Variants in BRICD5 observed in about 807,000 individuals in gnomAD.
BRICD5 encodes BRICHOS domain containing 5, also known as BRICHOS domain-containing protein 5.
Under a neutral mutation model 28.4 loss-of-function variants are expected in BRICD5, and 51 were observed. The observed-to-expected ratio is 1.80, with a 90% CI of 1.43 to 2.27. The LOEUF (loss-of-function observed/expected upper bound fraction) is 2.27. Among genes scored for constraint, BRICD5 ranks in the 30% most tolerant of loss-of-function variants. BRICD5 has a pLI of 0.00. For synonymous variants in BRICD5, 177 were observed against 130.2 expected (o/e 1.36, Z -2.44); for missense variants, 456 against 309.6 (o/e 1.47, Z -3.55).
chr16:2,209,264 G>C lies in BRICD5; in HGVS notation c.*98C>G, dbSNP rs967799849. On this transcript the variant is annotated 3_prime_UTR_variant, in exon 6 of 6. Transcript: ENST00000328540. ...ACACCACCACCATGGCCAGGTGGAA[G>C]GGTTTATTAGTCCCTGCCAGCAGCT... 1.8e-6 allele frequency: 2 copies of C among 1,134,796 alleles called. No homozygotes were observed. The highest frequency in any genetic ancestry group is 1.5e-5 in the African/African-American group (1 of 65,038). The allele number at this position is 1,134,796 out of a possible 1,614,324, so 70.3% of individuals were successfully genotyped here.
chr16:2,209,366 T>A lies in BRICD5; in HGVS notation c.683A>T (p.Asp228Val). ...AGGCTGGGCCAGGTCGGGGGCTCAGTCTGGGAGGTAATAAAAGCAGACCGA... is the reference window on the plus strand; with the variant it reads ...AGGCTGGGCCAGGTCGGGGGCTCAGACTGGGAGGTAATAAAAGCAGACCGA... ...CVSVCFYYLPD is the reference protein window; with the variant it reads ...CVSVCFYYLPV The change falls in exon 6 of 6, where the codon GAC becomes GTC. Residue 228 changes from aspartate to valine, a missense_variant. Transcript: ENST00000328540. 1 of 1,612,186 alleles carries A rather than the reference T, an allele frequency of 6.2e-7. No individual in the cohort carries two copies. Among genetic ancestry groups the A allele is most frequent in the Non-Finnish European group, 8.5e-7 (1 of 1,178,840 alleles).
At chr16:2,209,514 C>G (rs749536867) in intron 5 of BRICD5, 39 bp downstream of exon 5, 1 of 1,612,786 alleles carries the variant, frequency 6.2e-7, no homozygotes, top group Non-Finnish European at 8.5e-7. Flanking sequence ...TCAAACCATC[C>G]CGAGGGCCTG....
At chr16:2,210,307 C>A (rs372988245) in intron 2 of BRICD5, 26 bp from the exon 3 acceptor site, 1 of 1,508,370 alleles carries the variant, frequency 6.6e-7, no homozygotes, top group Non-Finnish European at 8.9e-7. Flanking sequence ...GGAGTTCAGC[C>A]GGGCAGCTGT....
chr16:2,210,461 T>C, intron 2 of BRICD5, 61 bp downstream of exon 2: 1 of 1,548,506 alleles, frequency 6.5e-7, no homozygotes, highest in Admixed American at 1.9e-5. Context: ...GAGGCTGGGA[T>C]ATGCCAGCTT....
intron 4 of BRICD5, 70 bp downstream of exon 4, chr16:2,209,880 C>T (rs1048165552): frequency 1.2e-5 from 17 of 1,417,024 alleles, no homozygotes; most frequent in Admixed American, 7.9e-5. Flanking sequence ...CAGCCTGTCC[C>T]GTACTGGGCT....
At position 2,209,442 on chromosome 16, in the gene BRICD5, G is replaced by A. The variant is rs146244160; in HGVS notation, c.607C>T (p.Arg203Trp). ...ATGTCGATGCAGAGATAAATCAGCC[G>A]CTGTCTCCGGGGCCCTGTGGCGAGG... ...ARRAEGPRRQ[R>W]LIYLCIDICF... The change falls in exon 6 of 6, where the codon CGG (arginine) becomes TGG (tryptophan). Residue 203 changes from arginine (R) to tryptophan (W), a missense_variant. Coordinates refer to ENST00000328540, the MANE Select transcript of BRICD5 (RefSeq NM_182563.4). 5.1e-5 allele frequency: 83 copies of A among 1,613,614 alleles called. No homozygotes were observed. The highest frequency in any genetic ancestry group is 2.2e-4 in the East Asian group (10 of 44,894).
rs181382897 is a variant in BRICD5 at position 2,210,631 on chromosome 16, C to A, written c.71G>T (p.Cys24Phe). Residue 24 changes from cysteine to phenylalanine, a missense_variant, in exon 2 of 6, where the codon TGC (cysteine) becomes TTC (phenylalanine). Physicochemically the swap from Cys to Phe is radical, Grantham distance 205 (BLOSUM62 -2). Transcript: ENST00000328540. ...CAGGCTCACGGCTCTCCAGCCCCCG[C>A]AGGAGGGCTTGGTCTTCACCTGGGC... ...GPTGVKTKPSCGGWRAVSLLL... is the reference protein window; with the variant it reads ...GPTGVKTKPSFGGWRAVSLLL... 26 of 1,611,828 alleles carry A rather than the reference C, an allele frequency of 1.6e-5. No individual in the cohort carries two copies. The East Asian group carries it at 3.6e-4, about 22-fold the overall frequency.
At position 2,210,271 on chromosome 16, in the gene BRICD5, T is replaced by C. The variant is rs147431022; in HGVS notation, c.191A>G (p.Gln64Arg). Residue 64 changes from glutamine to arginine, a missense_variant, in exon 3 of 6, where the codon CAG (glutamine) becomes CGG (arginine). Gln to Arg is a conservative substitution (Grantham distance 43). Transcript: ENST00000328540. ...SAQGPPKPRLQTLRMTLPSPH... is the reference protein window; with the variant it reads ...SAQGPPKPRLRTLRMTLPSPH... ...GCTCGGGAGGGTCATTCGCAGCGTCTGCAGCCTTGGCTGGCAGTGGGAGTT... is the reference window on the plus strand; with the variant it reads ...GCTCGGGAGGGTCATTCGCAGCGTCCGCAGCCTTGGCTGGCAGTGGGAGTT... The C allele has an allele frequency of 2.6e-6, 4 of 1,531,972 alleles. No individual in the cohort carries two copies. In the African/African-American group the frequency reaches 4.1e-5, roughly 16 times the overall value. 94.9% of individuals were successfully genotyped at this position (1,531,972 alleles called of 1,614,324 possible).
At chr16:2,210,434 G>A (rs1027803902) in intron 2 of BRICD5, 88 bp downstream of exon 2, 8 of 1,538,798 alleles carry the variant, frequency 5.2e-6, no homozygotes, top group East Asian at 4.5e-5. Flanking sequence ...TGCCTGCTCC[G>A]CACCCTTGCT....
At chr16:2,210,319 C>G in intron 2 of BRICD5, 38 bp from the exon 3 acceptor site, 1 of 1,506,040 alleles carries the variant, frequency 6.6e-7, no homozygotes. Flanking sequence ...GGCAGCTGTG[C>G]AACCCCAGCA....
rs2093360946 is a variant in BRICD5, at chr16:2,209,410, G to A, written c.639C>T (p.Phe213=). Residue 213 remains phenylalanine, a synonymous_variant, in exon 6 of 6, where the codon TTC becomes TTT. Coordinates refer to ENST00000328540, the MANE Select transcript of BRICD5 (RefSeq NM_182563.4). ...RLIYLCIDIC[F]PSNICVSVCF... ...AGACCGACACGCAGATGTTGCTCGG[G>A]AAGCAGATGTCGATGCAGAGATAAA... is the stretch of plus-strand genomic sequence containing the variant. 6.2e-7 allele frequency: 1 copy of A among 1,613,740 alleles called. No individual in the cohort carries two copies. The highest frequency in any genetic ancestry group is 8.5e-7 in the Non-Finnish European group (1 of 1,179,992).
Position 2,210,825 on chromosome 16 carries a change from T to C in BRICD5, c.9A>G (p.Pro3=). The C allele has an allele frequency of 6.2e-7, 1 of 1,602,972 alleles. No individual in the cohort carries two copies. Among genetic ancestry groups the C allele is most frequent in the Non-Finnish European group, 8.5e-7 (1 of 1,179,904 alleles). The change falls in exon 1 of 6, where the codon CCA becomes CCG. Residue 3 remains proline, a synonymous_variant. Coordinates refer to ENST00000328540, the MANE Select transcript of BRICD5 (RefSeq NM_182563.4). ME[P]ASCCAERPKP... is the part of the protein sequence containing the mutation. ...TGGGGCGCTCAGCACAGCAGCTTGCTGGTTCCATCCTGCAGCCCCTGCTCA... is the reference window on the plus strand; with the variant it reads ...TGGGGCGCTCAGCACAGCAGCTTGCCGGTTCCATCCTGCAGCCCCTGCTCA...
chr16:2,210,398 G>A (rs2093368480), intron 2 of BRICD5, 117 bp from the exon 3 acceptor site: 3 of 1,533,646 alleles, frequency 2.0e-6, no homozygotes, highest in African/African-American at 1.4e-5. Flanking sequence ...TTGGTCCTCT[G>A]GCTGTCTGCT....
chr16:2,209,447 C>G lies in BRICD5; in HGVS notation c.602G>C (p.Arg201Thr), dbSNP rs372074545. The G allele has an allele frequency of 4.5e-5, 72 of 1,613,566 alleles. No homozygotes were observed. Among genetic ancestry groups the G allele is most frequent in the Non-Finnish European group, 5.4e-5 (64 of 1,179,998 alleles). Residue 201 changes from arginine to threonine, a missense_variant, in exon 6 of 6, where the codon AGA (arginine) becomes ACA (threonine). Arg to Thr is a moderately conservative substitution (Grantham distance 71). Transcript: ENST00000328540. ...GATGCAGAGATAAATCAGCCGCTGT[C>G]TCCGGGGCCCTGTGGCGAGGGTGCC... Reference protein sequence around the residue: ...YWARRAEGPRRQRLIYLCIDI... With the variant: ...YWARRAEGPRTQRLIYLCIDI...
chr16:2,209,953 G>A lies in BRICD5; in HGVS notation c.435C>T (p.Ser145=). The A allele has an allele frequency of 1.3e-6, 2 of 1,528,432 alleles. No individual in the cohort carries two copies. The highest frequency in any genetic ancestry group is 1.8e-6 in the Non-Finnish European group (2 of 1,136,012). The allele number at this position is 1,528,432 out of a possible 1,614,324, so 94.7% of individuals were successfully genotyped here. ...RETLRLLVDT[S]KVQEAWVPSQ... ...TGCGCCCAGCAGGACGGCTCACCTT[G>A]GAGGTATCCACCAGCAGCCGCAGGG... Residue 145 remains serine (S), a synonymous_variant, in exon 4 of 6, where the codon TCC becomes TCT. Transcript: ENST00000328540.
rs769625200 is a variant in BRICD5 at position 2,209,568 on chromosome 16, C to G, written c.577G>C (p.Ala193Pro). ...RLCMRTPIYW[A>P]RRAEGPRRQR... ...CCTGACTCACCCTCTGCTCGCCGGG[C>G]CCAGTAGATGGGGGTCCTCATGCAC... The change falls in exon 5 of 6, where the codon GCC (alanine) becomes CCC (proline). Residue 193 changes from alanine (A) to proline (P), a missense_variant. By Grantham distance (27) the Ala-to-Pro change is conservative. Transcript: ENST00000328540. 1 of 1,612,072 alleles carries G rather than the reference C, an allele frequency of 6.2e-7. No homozygotes were observed. Among genetic ancestry groups the G allele is most frequent in the Non-Finnish European group, 8.5e-7 (1 of 1,179,958 alleles).
rs2093365455 is a variant in BRICD5 at position 2,209,885 on chromosome 16, T to TGGGCTGCA, written c.438+57_438+64dup. 4 of 1,427,058 alleles carry TGGGCTGCA rather than the reference T, an allele frequency of 2.8e-6. No individual in the cohort carries two copies. The East Asian group carries it at 9.5e-5, about 34-fold the overall frequency. 88.4% of individuals were successfully genotyped at this position (1,427,058 alleles called of 1,614,324 possible). ...ACCACAGCTCCAGCCTGTCCCGTAC[T>TGGGCTGCA]GGGCTGCACACAGGACCCTTTGTCT... On this transcript the variant is annotated intron_variant, in intron 4 of 5. Coordinates refer to ENST00000328540, the MANE Select transcript of BRICD5 (RefSeq NM_182563.4).
At chr16:2,210,679 A>G in intron 1 of BRICD5, 29 bp from the exon 2 acceptor site, 1 of 1,610,970 alleles carries the variant, frequency 6.2e-7, no homozygotes, top group Non-Finnish European at 8.5e-7. Flanking sequence ...CAGAAGGGTC[A>G]TGAGGGTTAG....
chr16:2,210,505 G>A lies in BRICD5; in HGVS notation c.180+17C>T, dbSNP rs746312004. On this transcript the variant is annotated intron_variant, in intron 2 of 5. Transcript: ENST00000328540. ...CCTTTCCACTGTCCATGTCCCTGGTGCTGAGGAGGGGCTCACCTTGGGAGG... is the reference window on the plus strand; with the variant it reads ...CCTTTCCACTGTCCATGTCCCTGGTACTGAGGAGGGGCTCACCTTGGGAGG... The A allele has an allele frequency of 2.5e-6, 4 of 1,594,008 alleles. No individual in the cohort carries two copies. Among genetic ancestry groups the A allele is most frequent in the Admixed American group, 1.7e-5 (1 of 57,616 alleles).
Sources: allele counts gnomAD v4.1 joint callset, GRCh38; gene constraint gnomAD v4.1.1; transcripts MANE v1.5; gene names NCBI Gene and HGNC (gene_info 2026-07-23, HGNC 2026-07-21).